Variants in ANKS1A observed in about 807,000 individuals in gnomAD.
ANKS1A encodes the protein ankyrin repeat and sterile alpha motif domain containing 1A, also known as ankyrin repeat and SAM domain-containing protein 1A.
A neutral mutation model predicts 120.3 loss-of-function variants in ANKS1A; 55 were observed. That is an observed-to-expected ratio of 0.46 (90% CI 0.37 to 0.57). The LOEUF (loss-of-function observed/expected upper bound fraction) is 0.57. Ranked by LOEUF, ANKS1A falls within the 20% of genes least tolerant of loss-of-function variation. The pLI is 0.00. For synonymous variants in ANKS1A, 590 were observed against 604.7 expected (o/e 0.98, Z 0.36); for missense variants, 1,123 against 1,480.3 (o/e 0.76, Z 3.96).
chr6:34,971,371 T>A (rs894746987), intron 3 of ANKS1A, among the ~76,000 whole-genome samples: 7 of 152,182 alleles, frequency 4.6e-5, no homozygotes, highest in African/African-American at 1.7e-4. Flanking sequence ...TTGGAAAAAA[T>A]TGTACTTGGA....
chr6:35,006,837 A>T lies in ANKS1A; in HGVS notation c.1424-10636A>T, dbSNP rs111718308. On this transcript the variant is annotated intron_variant, in intron 10 of 23. Transcript: ENST00000360359. Reference sequence around the variant, plus strand: ...AAAATTTAAATTAAAAAAAATTTTTAAAATTAAAACTTCAAAAAAGAATAT... The same window carrying T: ...AAAATTTAAATTAAAAAAAATTTTTTAAATTAAAACTTCAAAAAAGAATAT... Among the ~76,000 whole-genome samples, 910 of 152,262 alleles carry T rather than the reference A, an allele frequency of 6.0e-3. 8 individuals are homozygous for T. The highest frequency in any genetic ancestry group is 0.031 in the Middle Eastern group (9 of 294).
At chr6:34,947,976 A>G (rs1228965681) in intron 1 of ANKS1A, among the ~76,000 whole-genome samples, 2 of 152,330 alleles carry the variant, frequency 1.3e-5, no homozygotes, top group East Asian at 3.9e-4. Context: ...AAATTTAAAC[A>G]TATTACAATT....
intron 1 of ANKS1A, among the ~76,000 whole-genome samples, chr6:34,917,864 T>G (rs745807034): frequency 2.0e-5 from 3 of 152,194 alleles, no homozygotes; most frequent in Non-Finnish European, 4.4e-5. Context: ...CTTCCAGAAC[T>G]CTGGGATTGT....
chr6:35,080,936 C>G, intron 16 of ANKS1A, 58 bp from the exon 17 acceptor site: 1 of 1,575,790 alleles, frequency 6.3e-7, no homozygotes, highest in Non-Finnish European at 8.6e-7. Context: ...TGGCTGATAC[C>G]TGTAGTCGGG....
At chr6:34,958,101 C>T (rs911413625) in intron 1 of ANKS1A, among the ~76,000 whole-genome samples, 2 of 152,140 alleles carry the variant, frequency 1.3e-5, no homozygotes, top group South Asian at 2.1e-4. Flanking sequence ...ACCCTCATAT[C>T]GACCTACTGA....
intron 17 of ANKS1A, among the ~76,000 whole-genome samples, chr6:35,081,484 C>T (rs1431051977): frequency 6.6e-6 from 1 of 152,182 alleles, no homozygotes; most frequent in Non-Finnish European, 1.5e-5. Flanking sequence ...ACTGCCTCCC[C>T]TGCTGGCCCC....
intron 11 of ANKS1A, among the ~76,000 whole-genome samples, chr6:35,035,217 A>G (rs1226071899): frequency 1.3e-5 from 2 of 152,186 alleles, no homozygotes; most frequent in African/African-American, 4.8e-5. Flanking sequence ...GGGTAGAGTT[A>G]AAGGACACAA....
chr6:34,972,684 C>T (rs1326553772), intron 3 of ANKS1A: 1 of 948,352 alleles, frequency 1.1e-6, no homozygotes, highest in Admixed American at 6.2e-5. Flanking sequence ...ATCATTTCTC[C>T]AAGCTGTACC....
chr6:34,991,904 T>C (rs1033720885), intron 9 of ANKS1A, among the ~76,000 whole-genome samples: 2 of 150,740 alleles, frequency 1.3e-5, no homozygotes, highest in African/African-American at 2.4e-5. Flanking sequence ...GAATCCTTTC[T>C]GTTGAAAATC....
intron 11 of ANKS1A, among the ~76,000 whole-genome samples, chr6:35,049,333 C>T (rs149833545): frequency 9.6e-4 from 146 of 152,272 alleles, no homozygotes; most frequent in African/African-American, 3.2e-3. Context: ...CATTTGTCAT[C>T]GAACACCACC....
At chr6:35,073,777 C>A (rs1362797396) in intron 13 of ANKS1A, among the ~76,000 whole-genome samples, 1 of 152,210 alleles carries the variant, frequency 6.6e-6, no homozygotes, top group Non-Finnish European at 1.5e-5. Context: ...TCCCCCATGA[C>A]CCTCCTTGTG....
chr6:34,889,569 C>T lies in ANKS1A; in HGVS notation c.167C>T (p.Ser56Phe), dbSNP rs750327885. The T allele has an allele frequency of 3.8e-5, 49 of 1,287,630 alleles. No individual in the cohort carries two copies. Among genetic ancestry groups the T allele is most frequent in the Non-Finnish European group, 4.6e-5 (47 of 1,027,994 alleles). 79.8% of individuals were successfully genotyped at this position (1,287,630 alleles called of 1,614,324 possible). The change falls in exon 1 of 24, where the codon TCT becomes TTT. Residue 56 changes from serine (S) to phenylalanine (F), a missense_variant. Around this residue, in one of 3 missense-constraint regions of ANKS1A, gnomAD observed 73 missense variants for 82.2 expected, o/e 0.89. Coordinates refer to ENST00000360359, the MANE Select transcript of ANKS1A (RefSeq NM_015245.3). The surrounding 1 kb of genome is among the most constrained non-coding windows in gnomAD (Gnocchi z 5.5). ...GSGGGGGGLG[S>F]SSHPLSSLLS... ...GGCGGCGGCGGCGGCGGCCTCGGCT[C>T]TTCCAGCCACCCCCTCTCCAGTCTG...
At chr6:34,919,813 C>T (rs752960001) in intron 1 of ANKS1A, among the ~76,000 whole-genome samples, 10 of 152,124 alleles carry the variant, frequency 6.6e-5, no homozygotes, top group Non-Finnish European at 1.5e-4. Flanking sequence ...TTCTTGGCAA[C>T]TGTTAGTTAG....
rs61568974 is a variant in ANKS1A, at chr6:34,922,694, C to CTTT, written c.197+33111_197+33113dup. Among the ~76,000 whole-genome samples, 805 of 127,830 alleles carry CTTT rather than the reference C, an allele frequency of 6.3e-3. 26 individuals carry two copies. The highest frequency in any genetic ancestry group is 0.02 in the African/African-American group (667 of 33,808). The allele number at this position is 127,830 out of a possible 152,430, so 83.9% of individuals were successfully genotyped here. A position where few individuals can be genotyped will look rare whatever the true frequency, so the allele number is the denominator to read the frequency against. ...CATGGAGGATTGAATCTGGGCATTT[C>CTTT]TTTTTTTTTTTTTTTTTTGTGACGG... On this transcript the variant is annotated intron_variant, in intron 1 of 23. Coordinates refer to ENST00000360359, the MANE Select transcript of ANKS1A (RefSeq NM_015245.3).
chr6:35,008,380 C>G (rs1773570344), intron 10 of ANKS1A, among the ~76,000 whole-genome samples: 2 of 152,138 alleles, frequency 1.3e-5, no homozygotes, highest in Non-Finnish European at 2.9e-5. Context: ...CCATGCCCAG[C>G]TAAAAGTGTT....
chr6:35,036,572 G>A (rs190279567), intron 11 of ANKS1A, among the ~76,000 whole-genome samples: 162 of 152,338 alleles, frequency 1.1e-3, no homozygotes, highest in African/African-American at 3.6e-3. Context: ...CAGGTCTCTC[G>A]AGATTTGTTT....
chr6:35,059,989 G>A (rs1314987799), intron 12 of ANKS1A, among the ~76,000 whole-genome samples, 158 bp from the exon 13 acceptor site: 2 of 152,210 alleles, frequency 1.3e-5, no homozygotes, highest in African/African-American at 4.8e-5. Flanking sequence ...CAGAAGAGGA[G>A]CTGCGTGTCT....
intron 3 of ANKS1A, 29 bp downstream of exon 3, chr6:34,970,195 C>A: frequency 6.3e-7 from 1 of 1,598,402 alleles, no homozygotes. Context: ...TTTCCTTCCT[C>A]CATTCAGCTA....
At chr6:35,070,024 C>CAA (rs10667602) in intron 13 of ANKS1A, among the ~76,000 whole-genome samples, 35,261 of 95,188 alleles carry the variant, frequency 0.37, 8,053 homozygotes, top group Non-Finnish European at 0.47. Context: ...AAGACTCTGT[C>CAA]AAAAAAAAAA....
Sources: gnomAD v4.1 joint callset for allele counts (sites outside exome capture counted in the v4.1 genomes callset) on GRCh38, gnomAD v4.1.1 for gene constraint, gnomAD v4.1.1 regional missense constraint, Gnocchi (gnomAD v3.1) non-coding constraint, MANE v1.5 for transcripts, NCBI Gene and HGNC (gene_info 2026-07-23, HGNC 2026-07-21) for gene names.